The following TUSC3 variants were observed in gnomAD, a reference collection of about 807,000 sequenced individuals.
TUSC3 encodes dolichyl-diphosphooligosaccharide--protein glycosyltransferase subunit TUSC3.
TUSC3 carries 45 observed loss-of-function variants against 44.8 expected under a neutral mutation model. The observed-to-expected ratio is 1.00, with a 90% CI of 0.79 to 1.29. The LOEUF is 1.29. TUSC3 is among the 50% of genes most tolerant of loss of function. TUSC3 has a pLI of 0.00. For missense variants in TUSC3, 519 were observed against 437.9 expected (o/e 1.19, Z -1.65); for synonymous variants, 212 against 152.9 (o/e 1.39, Z -2.85).
the TUSC3 span, among the ~76,000 whole-genome samples, chr8:15,825,292 C>T: frequency 2.6e-5 from 4 of 152,172 alleles, no homozygotes; most frequent in Admixed American, 2.6e-4. Context: ...ACTGGACTTA[C>T]AGTTCCACAT....
the TUSC3 span, among the ~76,000 whole-genome samples, chr8:15,774,071 C>T: frequency 6.6e-6 from 1 of 152,044 alleles, no homozygotes; most frequent in Non-Finnish European, 1.5e-5. Context: ...AACTTTTGTG[C>T]ATTAAAAGCA....
the TUSC3 span, among the ~76,000 whole-genome samples, chr8:15,835,010 A>T: frequency 6.6e-6 from 1 of 152,332 alleles, no homozygotes; most frequent in East Asian, 1.9e-4. Context: ...ATAGGGAAGC[A>T]TGACTGTAAG....
At chr8:15,487,184 TTTC>T (rs1371837981) in intron 2 of TUSC3, among the ~76,000 whole-genome samples, 3 of 152,232 alleles carry the variant, frequency 2.0e-5, no homozygotes, top group African/African-American at 7.2e-5. Context: ...TCTTTATATT[TTTC>T]TTCTTTCAAT....
At chr8:15,805,859 T>G in the TUSC3 span, among the ~76,000 whole-genome samples, 4 of 152,128 alleles carry the variant, frequency 2.6e-5, no homozygotes, top group African/African-American at 9.7e-5. Flanking sequence ...TCCTCCTAGA[T>G]TTTTTTGGAA....
At chr8:15,435,149 C>T (rs1215101500) in intron 1 of TUSC3, among the ~76,000 whole-genome samples, 2 of 149,774 alleles carry the variant, frequency 1.3e-5, no homozygotes, top group African/African-American at 5.0e-5. Flanking sequence ...TACAGTCCCA[C>T]CAACATTGTA....
chr8:15,637,722 A>T (rs565782688), intron 2 of TUSC3, among the ~76,000 whole-genome samples: 1 of 151,872 alleles, frequency 6.6e-6, no homozygotes, highest in African/African-American at 2.4e-5. Flanking sequence ...GGGGATGGCT[A>T]GACTTTTGAG....
the TUSC3 span, among the ~76,000 whole-genome samples, chr8:15,824,018 T>C: frequency 6.6e-6 from 1 of 152,202 alleles, no homozygotes. Context: ...GTTTTGGTTC[T>C]CAAAAAATTT....
At chr8:15,435,245 G>A (rs906105546) in intron 1 of TUSC3, among the ~76,000 whole-genome samples, 2 of 151,870 alleles carry the variant, frequency 1.3e-5, no homozygotes, top group Non-Finnish European at 2.9e-5. Context: ...GTGTGAGATG[G>A]TATCTCATTG....
chr8:15,628,108 T>TA (rs1368521157), intron 2 of TUSC3, among the ~76,000 whole-genome samples: 1 of 152,196 alleles, frequency 6.6e-6, no homozygotes, highest in African/African-American at 2.4e-5. Flanking sequence ...TTCAGGCATT[T>TA]AAAAAATACT....
At chr8:15,521,333 T>C (rs1801294399) in intron 2 of TUSC3, among the ~76,000 whole-genome samples, 1 of 152,082 alleles carries the variant, frequency 6.6e-6, no homozygotes, top group African/African-American at 2.4e-5. Flanking sequence ...TACCCTTAAC[T>C]AACCTGGTGG....
chr8:15,589,795 C>T (rs1347549917), intron 1 of TUSC3, among the ~76,000 whole-genome samples: 3 of 152,042 alleles, frequency 2.0e-5, no homozygotes, highest in Non-Finnish European at 4.4e-5. Context: ...AGTCAGTGTC[C>T]TACCAAAAGT....
intron 1 of TUSC3, among the ~76,000 whole-genome samples, chr8:15,582,778 T>C (rs1803426980): frequency 6.6e-6 from 1 of 152,192 alleles, no homozygotes; most frequent in African/African-American, 2.4e-5. Context: ...AACTCGAAGA[T>C]TAGTCTTAAT....
At chr8:15,801,707 G>T in the TUSC3 span, among the ~76,000 whole-genome samples, 1 of 152,116 alleles carries the variant, frequency 6.6e-6, no homozygotes, top group Non-Finnish European at 1.5e-5. Context: ...GGGTGTGGCA[G>T]TCCATGTAGA....
At chr8:15,706,029 T>C (rs1228268891) in intron 6 of TUSC3, among the ~76,000 whole-genome samples, 1 of 151,974 alleles carries the variant, frequency 6.6e-6, no homozygotes, top group Non-Finnish European at 1.5e-5. Context: ...GTTGGATCTC[T>C]CAAATTTTAG....
intron 9 of TUSC3, among the ~76,000 whole-genome samples, chr8:15,751,616 A>G (rs976937205): frequency 6.6e-6 from 1 of 152,206 alleles, no homozygotes; most frequent in South Asian, 2.1e-4. Flanking sequence ...AGGTGTTCAA[A>G]GAGCTCACTG....
At chr8:15,525,213 C>T (rs1801357292) in intron 2 of TUSC3, among the ~76,000 whole-genome samples, 1 of 152,210 alleles carries the variant, frequency 6.6e-6, no homozygotes, top group East Asian at 1.9e-4. Context: ...CTATCCCCTT[C>T]TTTTCCTCTA....
intron 6 of TUSC3, among the ~76,000 whole-genome samples, chr8:15,683,071 G>A (rs1808490524): frequency 6.6e-6 from 1 of 152,176 alleles, no homozygotes; most frequent in African/African-American, 2.4e-5. Flanking sequence ...TTCTCTAGCT[G>A]CCTTTAAGAT....
intron 1 of TUSC3, among the ~76,000 whole-genome samples, chr8:15,543,431 A>G (rs955997554): frequency 6.6e-6 from 1 of 152,156 alleles, no homozygotes; most frequent in African/African-American, 2.4e-5. Flanking sequence ...TAAGTCAGAC[A>G]GATAGATGGT....
At chr8:15,535,885 C>T (rs1006032401), upstream of TUSC3, among the ~76,000 whole-genome samples, 4 of 152,162 alleles carry the variant, frequency 2.6e-5, no homozygotes, top group African/African-American at 9.7e-5. Context: ...GAACATCTAT[C>T]ATGGTCAAAC....
Sources: gnomAD v4.1 joint callset for allele counts (sites outside exome capture counted in the v4.1 genomes callset) on GRCh38, gnomAD v4.1.1 for gene constraint, MANE v1.5 for transcripts, NCBI Gene and HGNC (gene_info 2026-07-23, HGNC 2026-07-21) for gene names.